RAP1GAP2: variants seen among roughly 807,000 people sequenced by gnomAD.
The protein encoded by RAP1GAP2 is rap1 GTPase-activating protein 2.
A neutral mutation model predicts 95.0 loss-of-function variants in RAP1GAP2; 27 were observed. That is an observed-to-expected ratio of 0.28 (90% confidence interval 0.21 to 0.39). RAP1GAP2 has a LOEUF of 0.39. Ranked by LOEUF, RAP1GAP2 falls within the 10% of genes least tolerant of loss-of-function variation. The pLI is 1.00. For synonymous variants in RAP1GAP2, 373 were observed against 380.9 expected, an observed-to-expected ratio of 0.98 and a Z score of 0.24; for missense variants, 771 against 970.0, an observed-to-expected ratio of 0.79 and a Z score of 2.72.
At position 2,936,853 on chromosome 17, in the gene RAP1GAP2, C is replaced by T. The variant is rs28442112; in HGVS notation, c.166-20906C>T. On this transcript the variant is annotated intron_variant, in intron 3 of 24. Transcript: ENST00000254695. ...CAGGCAGCTGTGGGCTTTACCCATG[C>T]TCCTTGCTCTTCGTTTTCCGGATTG... is the stretch of plus-strand genomic sequence containing the variant. Among the ~76,000 whole-genome samples, 562 of 152,340 alleles carry T rather than the reference C, an allele frequency of 3.7e-3. 4 individuals carry two copies. The highest frequency in any genetic ancestry group is 0.013 in the African/African-American group (521 of 41,566).
At chr17:2,883,624 A>G (rs1233751449) in intron 2 of RAP1GAP2, among the ~76,000 whole-genome samples, 1 of 152,140 alleles carries the variant, frequency 6.6e-6, no homozygotes, top group Non-Finnish European at 1.5e-5. Flanking sequence ...CTGTAAAACA[A>G]ACACACTTTA....
At position 2,997,910 on chromosome 17, in the gene RAP1GAP2, G is replaced by A. The variant is rs1222713123; in HGVS notation, c.1045-311G>A. 6.3e-5 allele frequency among the ~76,000 whole-genome samples: 9 copies of A among 142,168 alleles called. No individual in the cohort carries two copies. In the East Asian group the frequency reaches 1.9e-3, roughly 30 times the overall value. The allele number at this position is 142,168 out of a possible 152,430, so 93.3% of individuals were successfully genotyped here. On this transcript the variant is annotated intron_variant, in intron 13 of 24. Transcript: ENST00000254695. Reference sequence around the variant, plus strand: ...GGCACTCCAGCCTGGGCAACACAGTGAGACCCTGTCTCAAAAAAAAAAAAA... The same window carrying A: ...GGCACTCCAGCCTGGGCAACACAGTAAGACCCTGTCTCAAAAAAAAAAAAA...
At chr17:3,009,387 T>C (rs955219972) in intron 17 of RAP1GAP2, among the ~76,000 whole-genome samples, 1 of 152,204 alleles carries the variant, frequency 6.6e-6, no homozygotes, top group African/African-American at 2.4e-5. Context: ...GGTGTAATAA[T>C]TTTGGTATAA....
chr17:2,839,078 G>A (rs1473210190), intron 2 of RAP1GAP2, among the ~76,000 whole-genome samples: 2 of 152,084 alleles, frequency 1.3e-5, no homozygotes. Flanking sequence ...CAAGGCAGGT[G>A]GATCACTTAA....
intron 1 of RAP1GAP2, chr17:2,755,858 T>C: frequency 3.0e-6 from 1 of 329,252 alleles, no homozygotes; most frequent in Non-Finnish European, 5.5e-6. Context: ...GGGCCCAAAG[T>C]TTCGTCCCGG....
chr17:2,986,146 G>T (rs1355571927), intron 11 of RAP1GAP2, among the ~76,000 whole-genome samples: 1 of 152,118 alleles, frequency 6.6e-6, no homozygotes, highest in Non-Finnish European at 1.5e-5. Context: ...TTGCATGATG[G>T]TATCTTTCTT....
At position 2,823,890 on chromosome 17, in the gene RAP1GAP2, G is replaced by A. The variant is rs933522779; in HGVS notation, c.80+23340G>A. 2.0e-5 allele frequency among the ~76,000 whole-genome samples: 3 copies of A among 152,074 alleles called. No homozygotes were observed. In the South Asian group the frequency reaches 6.2e-4, roughly 31 times the overall value. ...TGTCATCCCAGCACTTTGGGAGGCC[G>A]AGGCGGGCGGATCACGAGGTCAGGA... On this transcript the variant is annotated intron_variant, in intron 2 of 24. Transcript: ENST00000254695.
intron 2 of RAP1GAP2, among the ~76,000 whole-genome samples, chr17:2,813,079 T>C (rs2069843305): frequency 6.6e-6 from 1 of 151,714 alleles, no homozygotes; most frequent in African/African-American, 2.4e-5. Context: ...TCAGTACTTT[T>C]TTTTTTTTTT....
intron 4 of RAP1GAP2, among the ~76,000 whole-genome samples, chr17:2,960,354 G>A (rs1476072421): frequency 4.6e-5 from 7 of 152,072 alleles, no homozygotes; most frequent in Admixed American, 1.3e-4. Context: ...GCCCCCACCC[G>A]CCATCTGCCC....
At chr17:2,794,642 C>T (rs1455012555), upstream of RAP1GAP2, among the ~76,000 whole-genome samples, 1 of 152,244 alleles carries the variant, frequency 6.6e-6, no homozygotes, top group Admixed American at 6.5e-5. Context: ...GACCCTGAAG[C>T]TGCTCCCCCA....
intron 3 of RAP1GAP2, among the ~76,000 whole-genome samples, chr17:2,942,991 A>T (rs1381199134): frequency 5.3e-5 from 8 of 151,432 alleles, no homozygotes; most frequent in Non-Finnish European, 1.2e-4. Flanking sequence ...CTGGTCTTGA[A>T]CTCCTGACCT....
intron 1 of RAP1GAP2, chr17:2,800,170 A>T: frequency 4.1e-6 from 4 of 985,384 alleles, no homozygotes; most frequent in Non-Finnish European, 4.8e-6. Context: ...GGTAGCCGTA[A>T]TAAAGGGAGA....
intron 2 of RAP1GAP2, among the ~76,000 whole-genome samples, chr17:2,862,119 T>C (rs2072422294): frequency 6.6e-6 from 1 of 152,190 alleles, no homozygotes. Context: ...CTGCATAGCT[T>C]TGGGACCCGT....
rs1193363094 is a variant in RAP1GAP2, at chr17:2,905,328, G to A, written c.125G>A (p.Arg42Gln). The A allele has an allele frequency of 9.9e-6, 16 of 1,613,734 alleles. 1 individual carries two copies. Among genetic ancestry groups the A allele is most frequent in the East Asian group, 6.7e-5 (3 of 44,864 alleles). ...AGCTCGGATGCGACCCTCCCAGACC[G>A]GCCGCTCTCCCCTCCTCTCACGGCA... ...ANSSDATLPD[R>Q]PLSPPLTAPP... The change falls in exon 3 of 25, where the codon CGG (arginine) becomes CAG (glutamine). Residue 42 changes from arginine to glutamine, a missense_variant. Physicochemically the swap from Arg to Gln is conservative, Grantham distance 43 (BLOSUM62 1). Transcript: ENST00000254695.
At chr17:2,758,994 C>G (rs2071199195) in intron 1 of RAP1GAP2, among the ~76,000 whole-genome samples, 1 of 152,026 alleles carries the variant, frequency 6.6e-6, no homozygotes, top group Admixed American at 6.6e-5. Flanking sequence ...GCCACCACGT[C>G]TGGCTAACTT....
rs896791078 is a variant in RAP1GAP2, at chr17:2,983,308, C to T, written c.730-1675C>T. ...TGTGCAAAGTGACCAGAAAGTGTGC[C>T]ACGGTAATTGACCAGCCTCTGAGAT... On this transcript the variant is annotated intron_variant, in intron 10 of 24. Transcript: ENST00000254695. 2.0e-5 allele frequency among the ~76,000 whole-genome samples: 3 copies of T among 152,042 alleles called. No homozygotes were observed. The East Asian group carries it at 5.8e-4, about 29-fold the overall frequency.
chr17:3,019,705 C>T (rs868369656), intron 18 of RAP1GAP2, among the ~76,000 whole-genome samples: 2 of 152,198 alleles, frequency 1.3e-5, no homozygotes, highest in South Asian at 2.1e-4. Flanking sequence ...AGGTGCATGG[C>T]GTGAGCAGAG....
chr17:2,855,196 A>G lies in RAP1GAP2; in HGVS notation c.81-50088A>G, dbSNP rs1029617088. ...CGTCCCCCCTTCCTATAATGTGTGT[A>G]ACAAGATGTTGCCCGCTGCACAGAA... On this transcript the variant is annotated intron_variant, in intron 2 of 24. Transcript: ENST00000254695. This position sits in a 1 kb window ranked among gnomAD's most constrained non-coding sequence, Gnocchi z 4.3. Among the ~76,000 whole-genome samples, 3 of 152,142 alleles carry G rather than the reference A, an allele frequency of 2.0e-5. No homozygotes were observed. The highest frequency in any genetic ancestry group is 7.2e-5 in the African/African-American group (3 of 41,404).
At chr17:2,929,187 C>T (rs970526843) in intron 3 of RAP1GAP2, among the ~76,000 whole-genome samples, 16 of 152,146 alleles carry the variant, frequency 1.1e-4, no homozygotes, top group African/African-American at 3.1e-4. Flanking sequence ...GAACCATGAT[C>T]GCGCCACTGT....
Sources: gnomAD v4.1 joint callset for allele counts (sites outside exome capture counted in the v4.1 genomes callset) on GRCh38, gnomAD v4.1.1 for gene constraint, Gnocchi (gnomAD v3.1) non-coding constraint, MANE v1.5 for transcripts, NCBI Gene and HGNC (gene_info 2026-07-23, HGNC 2026-07-21) for gene names.